DOCK8: variants seen among roughly 807,000 people sequenced by gnomAD.
DOCK8 encodes dedicator of cytokinesis 8, also known as dedicator of cytokinesis protein 8.
Under a neutral mutation model 245.6 loss-of-function variants are expected in DOCK8, and 141 were observed. The ratio of observed to expected loss-of-function variants is 0.57; its 90% confidence interval spans 0.50 to 0.66. The LOEUF is 0.66. Ranked by LOEUF, DOCK8 falls within the 30% of genes least tolerant of loss-of-function variation. DOCK8 has a pLI of 0.00. For missense variants in DOCK8, 2,965 were observed against 2,603.4 expected, an observed-to-expected ratio of 1.14 and a Z score of -3.02; for synonymous variants, 1,168 against 970.2, an observed-to-expected ratio of 1.20 and a Z score of -3.79.
At position 400,851 on chromosome 9, in the gene DOCK8, TCACCACCTCCTC is replaced by T. The variant is rs2054971418; in HGVS notation, c.3234+1598_3234+1609del. On this transcript the variant is annotated intron_variant, in intron 26 of 47. Transcript: ENST00000432829. ...ATCACCATCACCACCACCTCCACCATCACCACCTCCTCCACCATCACCACCACCTCCACCACC... is the reference window on the plus strand; with the variant it reads ...ATCACCATCACCACCACCTCCACCATCACCATCACCACCACCTCCACCACC... Among the ~76,000 whole-genome samples, 6 of 10,108 alleles carry T rather than the reference TCACCACCTCCTC, an allele frequency of 5.9e-4. 1 individual carries two copies. Among genetic ancestry groups the T allele is most frequent in the African/African-American group, 1.6e-3 (2 of 1,214 alleles). The allele number at this position is 10,108 out of a possible 152,430, so 6.6% of individuals were successfully genotyped here. A position where few individuals can be genotyped will look rare whatever the true frequency, so the allele number is the denominator to read the frequency against.
chr9:356,997 C>A (rs1200076501), intron 14 of DOCK8, among the ~76,000 whole-genome samples: 2 of 152,070 alleles, frequency 1.3e-5, no homozygotes, highest in Admixed American at 1.3e-4. Flanking sequence ...GGAATCTGAT[C>A]TGGATAAGAC....
At chr9:275,378 G>A (rs929790580) in intron 2 of DOCK8, among the ~76,000 whole-genome samples, 1 of 152,174 alleles carries the variant, frequency 6.6e-6, no homozygotes, top group Non-Finnish European at 1.5e-5. Flanking sequence ...GATACATGAT[G>A]TGATAGGAGG....
chr9:345,665 C>T (rs2051845481), intron 14 of DOCK8, among the ~76,000 whole-genome samples: 1 of 152,280 alleles, frequency 6.6e-6, no homozygotes, highest in Non-Finnish European at 1.5e-5. Context: ...CATTGCCTTC[C>T]AGTCCCCAGC....
intron 14 of DOCK8, among the ~76,000 whole-genome samples, chr9:358,720 G>A (rs2052572538): frequency 1.3e-5 from 2 of 148,692 alleles, no homozygotes; most frequent in African/African-American, 5.0e-5. Flanking sequence ...GTGGTGGCAT[G>A]TGCCTGTAGT....
At chr9:317,686 G>C (rs1392935750) in intron 7 of DOCK8, among the ~76,000 whole-genome samples, 1 of 152,130 alleles carries the variant, frequency 6.6e-6, no homozygotes, top group African/African-American at 2.4e-5. Flanking sequence ...GGAGTGGTGA[G>C]GACTGTAGTA....
At chr9:260,953 C>G (rs992648463) in intron 1 of DOCK8, among the ~76,000 whole-genome samples, 1 of 152,034 alleles carries the variant, frequency 6.6e-6, no homozygotes, top group Non-Finnish European at 1.5e-5. Flanking sequence ...AGAATGTATA[C>G]ATGTATTTGC....
chr9:422,730 A>G (rs907144575), intron 33 of DOCK8, among the ~76,000 whole-genome samples: 1 of 152,234 alleles, frequency 6.6e-6, no homozygotes, highest in Non-Finnish European at 1.5e-5. Flanking sequence ...CACGCCTGTA[A>G]TCCCAGCACT....
chr9:277,340 A>C (rs1366172574), intron 2 of DOCK8, among the ~76,000 whole-genome samples: 1 of 151,826 alleles, frequency 6.6e-6, no homozygotes, highest in African/African-American at 2.4e-5. Flanking sequence ...CAGAAGGATC[A>C]CTTGAACTCA....
chr9:274,664 A>AG (rs2048276233), intron 2 of DOCK8, among the ~76,000 whole-genome samples: 1 of 128,938 alleles, frequency 7.8e-6, no homozygotes, highest in Non-Finnish European at 1.7e-5. Context: ...TTTTACCTTT[A>AG]AAAAAAAATT....
intron 14 of DOCK8, among the ~76,000 whole-genome samples, chr9:353,738 A>G (rs980533761): frequency 6.6e-6 from 1 of 152,160 alleles, no homozygotes; most frequent in Admixed American, 6.5e-5. Flanking sequence ...CTTGAAACTT[A>G]ACTTTTAGGT....
At chr9:443,547 A>G in intron 43 of DOCK8, 31 bp downstream of exon 43, 1 of 1,554,238 alleles carries the variant, frequency 6.4e-7, no homozygotes, top group Non-Finnish European at 8.9e-7. Flanking sequence ...ACTAACCATC[A>G]AGCTCTAAAT....
At chr9:400,038 C>T (rs1375441145) in intron 26 of DOCK8, among the ~76,000 whole-genome samples, 24 of 135,710 alleles carry the variant, frequency 1.8e-4, no homozygotes, top group African/African-American at 7.9e-4. Flanking sequence ...CCATCACCAC[C>T]ACCACCTCCA....
chr9:347,438 C>T (rs1428772064), intron 14 of DOCK8, among the ~76,000 whole-genome samples: 5 of 152,006 alleles, frequency 3.3e-5, no homozygotes, highest in Admixed American at 6.6e-5. Flanking sequence ...CCAGGAAGGT[C>T]GAGGCTACAG....
chr9:427,085 AG>A (rs2056531674), intron 34 of DOCK8, 104 bp downstream of exon 34: 2 of 961,042 alleles, frequency 2.1e-6, no homozygotes, highest in Non-Finnish European at 3.2e-6. Flanking sequence ...GTGATCCCAT[AG>A]TACCTTTTTT....
At chr9:389,508 G>A (rs545507341) in intron 23 of DOCK8, among the ~76,000 whole-genome samples, 9 of 152,238 alleles carry the variant, frequency 5.9e-5, no homozygotes, top group Non-Finnish European at 8.8e-5. Context: ...AATGCCATAT[G>A]GGCATTATAA....
chr9:307,613 C>T, intron 5 of DOCK8, among the ~76,000 whole-genome samples: 2 of 152,012 alleles, frequency 1.3e-5, no homozygotes, highest in East Asian at 1.9e-4. Flanking sequence ...CCACCTTGGC[C>T]TCCCAAAGTG....
intron 4 of DOCK8, among the ~76,000 whole-genome samples, chr9:289,922 A>G (rs578053025): frequency 6.6e-5 from 10 of 152,330 alleles, no homozygotes; most frequent in African/African-American, 1.7e-4. Flanking sequence ...CCTTTACAGT[A>G]TCATACAGAA....
At chr9:235,632 G>A (rs1474628708) in intron 1 of DOCK8, among the ~76,000 whole-genome samples, 6 of 152,164 alleles carry the variant, frequency 3.9e-5, no homozygotes, top group Admixed American at 2.0e-4. Context: ...CCTCGCTGCC[G>A]CCTTGCAGTT....
intron 14 of DOCK8, among the ~76,000 whole-genome samples, chr9:351,478 C>G (rs1410218): frequency 0.51 from 78,120 of 152,090 alleles, 20,812 homozygotes; most frequent in East Asian, 0.81. Context: ...GCTGTGATTA[C>G]AGCTGCCCAT....
Sources: allele counts gnomAD v4.1 joint callset (sites outside exome capture counted in the v4.1 genomes callset), GRCh38; gene constraint gnomAD v4.1.1; transcripts MANE v1.5; gene names NCBI Gene and HGNC (gene_info 2026-07-23, HGNC 2026-07-21).